Variants in COLEC12 observed in about 807,000 individuals in gnomAD.
COLEC12 encodes collectin-12.
Under a neutral mutation model 71.1 loss-of-function variants are expected in COLEC12, and 33 were observed. The ratio of observed to expected loss-of-function variants is 0.46; its 90% confidence interval spans 0.35 to 0.62. COLEC12 has a LOEUF of 0.62. COLEC12 is among the 20% of genes least tolerant of loss of function. The probability of loss-of-function intolerance (pLI) is 0.00; values close to 1 mark genes in which losing one functional copy is unlikely to be tolerated. For missense variants in COLEC12, 765 were observed against 916.1 expected (o/e 0.84, Z 2.13); for synonymous variants, 350 against 353.0 (o/e 0.99, Z 0.10).
At chr18:452,128 G>C (rs187932941) in intron 2 of COLEC12, among the ~76,000 whole-genome samples, 1 of 152,284 alleles carries the variant, frequency 6.6e-6, no homozygotes, top group Admixed American at 6.5e-5. Flanking sequence ...AAGCAGAATA[G>C]ATATTGTTGA....
rs1917807886 is a variant in COLEC12 at position 500,651 on chromosome 18, C to T, written c.-137G>A. 1 of 603,676 alleles carries T rather than the reference C, an allele frequency of 1.7e-6. No homozygotes were observed. The highest frequency in any genetic ancestry group is 2.2e-6 in the Non-Finnish European group (1 of 450,090). 37.4% of individuals were successfully genotyped at this position (603,676 alleles called of 1,614,324 possible). A position where few individuals can be genotyped will look rare whatever the true frequency, so the allele number is the denominator to read the frequency against. Reference sequence around the variant, plus strand: ...GCCGGCCGTCTGCGCCCCCGTCCTCCCTCGCCGCCGCCGGCCCGCGCTCCC... The same window carrying T: ...GCCGGCCGTCTGCGCCCCCGTCCTCTCTCGCCGCCGCCGGCCCGCGCTCCC... On this transcript the variant is annotated 5_prime_UTR_variant, in exon 1 of 10. Transcript: ENST00000400256. The surrounding 1 kb of genome is among the most constrained non-coding windows in gnomAD (Gnocchi z 5.3).
In COLEC12 at chr18:346,439, C is replaced by A; in HGVS notation, c.1183G>T (p.Asp395Tyr). The A allele has an allele frequency of 1.9e-6, 3 of 1,614,166 alleles. No individual in the cohort carries two copies. Among genetic ancestry groups the A allele is most frequent in the Non-Finnish European group, 2.5e-6 (3 of 1,180,050 alleles). ...TGTTGCATCCTGAGAGAAACAGAAT[C>A]CAAACGGATGTTGGCCAGGGTATTA... ...LNNTLANIRL[D>Y]SVSLRMQQDL... The change falls in exon 5 of 10, where the codon GAT becomes TAT. Residue 395 changes from aspartate (D) to tyrosine (Y), a missense_variant. Transcript: ENST00000400256. This position sits in a 1 kb window ranked among gnomAD's most constrained non-coding sequence, Gnocchi z 4.0.
intron 1 of COLEC12, among the ~76,000 whole-genome samples, chr18:497,632 T>G (rs903506042): frequency 6.6e-6 from 1 of 152,216 alleles, no homozygotes; most frequent in Non-Finnish European, 1.5e-5. Context: ...GGTTTCACTA[T>G]ATGGTGATCC....
chr18:437,806 T>C (rs1916436757), intron 2 of COLEC12, among the ~76,000 whole-genome samples: 1 of 152,238 alleles, frequency 6.6e-6, no homozygotes, highest in African/African-American at 2.4e-5. Context: ...CGAAGCTTTG[T>C]CGCATCTATC....
At chr18:405,119 A>C (rs545837376) in intron 2 of COLEC12, among the ~76,000 whole-genome samples, 4 of 152,064 alleles carry the variant, frequency 2.6e-5, no homozygotes, top group African/African-American at 9.7e-5. Flanking sequence ...CACCCTGGTA[A>C]ATTTGTGGTC....
chr18:339,661 A>G (rs142578785), intron 5 of COLEC12, among the ~76,000 whole-genome samples: 1 of 152,214 alleles, frequency 6.6e-6, no homozygotes, highest in African/African-American at 2.4e-5. Context: ...GGTGTCTTCC[A>G]TTACAGCTGC....
intron 2 of COLEC12, among the ~76,000 whole-genome samples, chr18:382,517 G>A (rs191770355): frequency 6.6e-6 from 1 of 152,194 alleles, no homozygotes; most frequent in East Asian, 1.9e-4. Flanking sequence ...TGGAACTCTG[G>A]AGCAAACCCA....
At chr18:350,842 T>C (rs1023017246) in intron 3 of COLEC12, among the ~76,000 whole-genome samples, 5 of 151,456 alleles carry the variant, frequency 3.3e-5, no homozygotes, top group African/African-American at 1.2e-4. Flanking sequence ...GCAGGAGAAT[T>C]GCTTGAACCT....
chr18:462,179 C>T (rs1473342527), intron 2 of COLEC12, among the ~76,000 whole-genome samples: 1 of 152,176 alleles, frequency 6.6e-6, no homozygotes, highest in Non-Finnish European at 1.5e-5. Context: ...CTCAGCAATT[C>T]CGCTCCTAGG....
At chr18:373,371 G>T (rs938636053) in intron 2 of COLEC12, among the ~76,000 whole-genome samples, 3 of 152,104 alleles carry the variant, frequency 2.0e-5, no homozygotes, top group Non-Finnish European at 4.4e-5. Context: ...GACCTCTCCC[G>T]TCAGAAGTAC....
At chr18:396,108 C>G (rs1915565684) in intron 2 of COLEC12, among the ~76,000 whole-genome samples, 1 of 152,182 alleles carries the variant, frequency 6.6e-6, no homozygotes, top group Non-Finnish European at 1.5e-5. Flanking sequence ...CTAGTGAGCT[C>G]TCCTGTCACT....
At chr18:357,342 GC>G in intron 3 of COLEC12, 57 bp downstream of exon 3, 1 of 1,518,868 alleles carries the variant, frequency 6.6e-7, no homozygotes, top group Non-Finnish European at 8.9e-7. Flanking sequence ...GTTTTCTCAT[GC>G]TTAAATTAAT....
chr18:350,251 G>A (rs938493818), intron 3 of COLEC12, among the ~76,000 whole-genome samples: 13 of 152,218 alleles, frequency 8.5e-5, no homozygotes, highest in Admixed American at 7.2e-4. Context: ...TAAGTCTCAC[G>A]AGATCTGATG....
At chr18:328,974 T>G (rs1913908540) in intron 8 of COLEC12, among the ~76,000 whole-genome samples, 1 of 152,256 alleles carries the variant, frequency 6.6e-6, no homozygotes, top group Non-Finnish European at 1.5e-5. Context: ...GGGATTTTTA[T>G]GTTCCTATGT....
chr18:368,643 T>A (rs1218973627), intron 2 of COLEC12, among the ~76,000 whole-genome samples: 1 of 151,478 alleles, frequency 6.6e-6, no homozygotes, highest in Non-Finnish European at 1.5e-5. Context: ...GGTGGGCGGA[T>A]CATGAGGTCA....
At chr18:367,638 C>T (rs992342859) in intron 2 of COLEC12, among the ~76,000 whole-genome samples, 4 of 152,126 alleles carry the variant, frequency 2.6e-5, no homozygotes, top group Non-Finnish European at 4.4e-5. Context: ...ATGAGTCAAT[C>T]GACTTGAAAT....
intron 2 of COLEC12, among the ~76,000 whole-genome samples, chr18:387,407 C>T (rs947213575): frequency 6.6e-6 from 1 of 152,038 alleles, no homozygotes; most frequent in Non-Finnish European, 1.5e-5. Context: ...TACTTTCATT[C>T]CTTCTTTCTC....
chr18:369,991 G>T (rs1246908350), intron 2 of COLEC12, among the ~76,000 whole-genome samples: 1 of 152,116 alleles, frequency 6.6e-6, no homozygotes, highest in African/African-American at 2.4e-5. Flanking sequence ...TCAAAATCAT[G>T]CAGGGATTAA....
At chr18:486,391 G>A (rs1917519080) in intron 1 of COLEC12, among the ~76,000 whole-genome samples, 1 of 152,158 alleles carries the variant, frequency 6.6e-6, no homozygotes, top group African/African-American at 2.4e-5. Context: ...TGCCATGTTG[G>A]TCAGGCTGGC....
Sources: allele counts gnomAD v4.1 joint callset (sites outside exome capture counted in the v4.1 genomes callset), GRCh38; gene constraint gnomAD v4.1.1; non-coding constraint Gnocchi (gnomAD v3.1); transcripts MANE v1.5; gene names NCBI Gene and HGNC (gene_info 2026-07-23, HGNC 2026-07-21).